The following KAZN variants were observed in gnomAD, a reference collection of about 807,000 sequenced individuals.
KAZN encodes the protein kazrin.
Under a neutral mutation model 87.4 loss-of-function variants are expected in KAZN, and 40 were observed. The observed-to-expected ratio is 0.46, with a 90% CI of 0.36 to 0.60. KAZN has a LOEUF of 0.60. Among genes scored for constraint, KAZN ranks in the 20% least tolerant of loss-of-function variants. The pLI, the probability that KAZN is intolerant of heterozygous loss-of-function variation, is 0.00. For missense variants in KAZN, 898 were observed against 1,073.9 expected, an observed-to-expected ratio of 0.84 and a Z score of 2.29; for synonymous variants, 466 against 458.3, an observed-to-expected ratio of 1.02 and a Z score of -0.22.
chr1:14,078,679 G>A (rs970949741), intron 1 of KAZN, among the ~76,000 whole-genome samples: 6 of 151,574 alleles, frequency 4.0e-5, no homozygotes, highest in African/African-American at 9.7e-5. Flanking sequence ...CAGCTCTCTG[G>A]GGCCTCTCTT....
chr1:14,525,776 G>T (rs1671831392), intron 2 of KAZN, among the ~76,000 whole-genome samples: 2 of 152,328 alleles, frequency 1.3e-5, no homozygotes, highest in Middle Eastern at 6.8e-3. Flanking sequence ...TATATAGCAT[G>T]AATATTTATG....
At chr1:14,402,215 A>G (rs1571534342) in intron 2 of KAZN, among the ~76,000 whole-genome samples, 1 of 151,146 alleles carries the variant, frequency 6.6e-6, no homozygotes, top group African/African-American at 2.4e-5. Context: ...ACATTTTAAA[A>G]AAATTTGTAA....
At chr1:14,053,841 C>T (rs1381426636) in intron 1 of KAZN, among the ~76,000 whole-genome samples, 2 of 152,074 alleles carry the variant, frequency 1.3e-5, no homozygotes, top group African/African-American at 4.8e-5. Context: ...GTCTGGAAGC[C>T]TTACCAATAA....
chr1:14,706,531 A>G (rs575499052), intron 1 of KAZN, among the ~76,000 whole-genome samples: 1 of 152,338 alleles, frequency 6.6e-6, no homozygotes, highest in South Asian at 2.1e-4. Context: ...GGATATGCTA[A>G]TTACTCTGAT....
chr1:14,533,066 ATG>A (rs1157644032), intron 2 of KAZN, among the ~76,000 whole-genome samples: 1 of 152,198 alleles, frequency 6.6e-6, no homozygotes, highest in Admixed American at 6.5e-5. Context: ...ACAGAAAAAC[ATG>A]TGTTTTTAGA....
chr1:14,463,052 G>A (rs1667938585), intron 2 of KAZN, among the ~76,000 whole-genome samples: 1 of 152,134 alleles, frequency 6.6e-6, no homozygotes, highest in African/African-American at 2.4e-5. Flanking sequence ...ACGAGCTCTT[G>A]GCAACTGCAT....
chr1:14,758,194 C>G (rs569297814), intron 1 of KAZN, among the ~76,000 whole-genome samples: 222 of 152,030 alleles, frequency 1.5e-3, no homozygotes, highest in Middle Eastern at 6.8e-3. Context: ...TTGACAGGCT[C>G]TTGCTTTGTC....
At chr1:14,484,064 ATTG>A (rs1361411617) in intron 2 of KAZN, among the ~76,000 whole-genome samples, 5 of 152,136 alleles carry the variant, frequency 3.3e-5, no homozygotes, top group African/African-American at 1.2e-4. Flanking sequence ...TTGAAAATTG[ATTG>A]ACCATAGATG....
intron 1 of KAZN, among the ~76,000 whole-genome samples, chr1:14,130,558 T>C (rs1042414744): frequency 6.6e-6 from 1 of 151,312 alleles, no homozygotes; most frequent in Non-Finnish European, 1.5e-5. Flanking sequence ...AGGGAGGAGA[T>C]CTGTGAGCCT....
At chr1:14,777,069 C>G (rs917559008) in intron 1 of KAZN, among the ~76,000 whole-genome samples, 2 of 152,170 alleles carry the variant, frequency 1.3e-5, no homozygotes, top group African/African-American at 4.8e-5. Context: ...AGCGCAATCT[C>G]GGCTCACTGC....
chr1:14,741,893 A>G (rs1268066818), intron 1 of KAZN, among the ~76,000 whole-genome samples: 1 of 152,184 alleles, frequency 6.6e-6, no homozygotes, highest in Non-Finnish European at 1.5e-5. Context: ...CCAGAATCCA[A>G]ATATTCCCTT....
chr1:14,696,059 A>G (rs1171460558), intron 1 of KAZN, among the ~76,000 whole-genome samples: 1 of 152,170 alleles, frequency 6.6e-6, no homozygotes, highest in Non-Finnish European at 1.5e-5. Context: ...GTATTTTTAA[A>G]TTGCTATCCA....
chr1:13,920,276 G>A (rs1372752244), intron 1 of KAZN, among the ~76,000 whole-genome samples: 1 of 143,956 alleles, frequency 6.9e-6, no homozygotes, highest in Non-Finnish European at 1.5e-5. Flanking sequence ...TTATTTTTCT[G>A]TCCCATGTTC....
At chr1:15,041,864 G>T (rs1672967730) in intron 3 of KAZN, among the ~76,000 whole-genome samples, 1 of 152,068 alleles carries the variant, frequency 6.6e-6, no homozygotes, top group East Asian at 1.9e-4. Flanking sequence ...CACTGTCTAT[G>T]AGCTGGCGAA....
At chr1:14,575,259 T>C (rs1179960215) in intron 2 of KAZN, among the ~76,000 whole-genome samples, 1 of 152,052 alleles carries the variant, frequency 6.6e-6, no homozygotes, top group African/African-American at 2.4e-5. Flanking sequence ...GAGAAAGACA[T>C]ACCTGAGACT....
At position 15,050,707 on chromosome 1, in the gene KAZN, G is replaced by A. The variant is rs144508800; in HGVS notation, c.727-5384G>A. Among the ~76,000 whole-genome samples, 222 of 152,306 alleles carry A rather than the reference G, an allele frequency of 1.5e-3. 1 individual carries two copies. The highest frequency in any genetic ancestry group is 4.5e-3 in the African/African-American group (189 of 41,578). ...CCAAGCCAGTTCCTAGGCTGGGTCT[G>A]AACCCAGAGTGGTGGGGGGCCTGCC... On this transcript the variant is annotated intron_variant, in intron 4 of 14. Coordinates refer to ENST00000376030, the MANE Select transcript of KAZN (RefSeq NM_201628.3).
rs1295499473 is a variant in KAZN at position 15,117,913 on chromosome 1, CA to C, written c.*3281del. The C allele has an allele frequency of 2.6e-5, 4 of 152,336 alleles. No individual in the cohort carries two copies. Among genetic ancestry groups the C allele is most frequent in the African/African-American group, 7.2e-5 (3 of 41,584 alleles). The allele number at this position is 152,336 out of a possible 1,614,324, so 9.4% of individuals were successfully genotyped here. A position where few individuals can be genotyped will look rare whatever the true frequency, so the allele number is the denominator to read the frequency against. ...GGAGAATCTCCCGAGCCCTGACACA[CA>C]AAGGCATTTTGTGGCTGCAGAGGAA... On this transcript the variant is annotated 3_prime_UTR_variant, in exon 15 of 15. Transcript: ENST00000376030.
intron 1 of KAZN, among the ~76,000 whole-genome samples, chr1:14,095,648 A>C (rs1351360317): frequency 6.6e-6 from 1 of 152,146 alleles, no homozygotes; most frequent in Non-Finnish European, 1.5e-5. Context: ...GAAAACTCAA[A>C]GGCTAGATTC....
chr1:15,106,465 G>A (rs957711450), intron 13 of KAZN, among the ~76,000 whole-genome samples: 6 of 152,096 alleles, frequency 3.9e-5, no homozygotes, highest in South Asian at 2.1e-4. Flanking sequence ...GCAGGCATTT[G>A]TGTATCTGAT....
Sources: gnomAD v4.1 joint callset for allele counts (sites outside exome capture counted in the v4.1 genomes callset) on GRCh38, gnomAD v4.1.1 for gene constraint, MANE v1.5 for transcripts, NCBI Gene and HGNC (gene_info 2026-07-23, HGNC 2026-07-21) for gene names.